Variants in EYS observed in about 807,000 individuals in gnomAD.
EYS encodes the protein EGF-like photoreceptor maintenance factor, also known as protein eyes shut homolog.
A neutral mutation model predicts 282.1 loss-of-function variants in EYS; 250 were observed. That is an observed-to-expected ratio of 0.89 (90% confidence interval 0.80 to 0.98). The LOEUF (loss-of-function observed/expected upper bound fraction) is 0.98, where lower values mean the gene tolerates loss of function less well. Ranked by LOEUF, EYS falls within the 50% of genes least tolerant of loss-of-function variation. The pLI is 0.00. For missense variants in EYS, 4,016 were observed against 3,709.0 expected, an observed-to-expected ratio of 1.08 and a Z score of -2.15; for synonymous variants, 1,355 against 1,282.9, an observed-to-expected ratio of 1.06 and a Z score of -1.20.
At chr6:64,983,589 A>T (rs952546355) in intron 14 of EYS, among the ~76,000 whole-genome samples, 15 of 151,436 alleles carry the variant, frequency 9.9e-5, no homozygotes, top group African/African-American at 2.7e-4. Context: ...AGATATTTGG[A>T]TACTATTATA....
At chr6:64,377,524 T>G (rs1421720046) in intron 29 of EYS, among the ~76,000 whole-genome samples, 3 of 152,126 alleles carry the variant, frequency 2.0e-5, no homozygotes, top group Non-Finnish European at 4.4e-5. Flanking sequence ...CTCAATTCCC[T>G]TATCTGTGAA....
At chr6:64,739,398 T>C (rs186255683) in intron 22 of EYS, among the ~76,000 whole-genome samples, 20 of 152,314 alleles carry the variant, frequency 1.3e-4, no homozygotes, top group Middle Eastern at 3.4e-3. Context: ...TAATTATTTT[T>C]ATGAGTTAAA....
intron 22 of EYS, among the ~76,000 whole-genome samples, chr6:64,717,963 G>A (rs142896707): frequency 1.6e-4 from 25 of 152,310 alleles, no homozygotes; most frequent in African/African-American, 6.0e-4. Context: ...AGAGAGGAAA[G>A]AGAGACAGAG....
intron 2 of EYS, among the ~76,000 whole-genome samples, chr6:65,509,238 G>T (rs1193157752): frequency 6.6e-6 from 1 of 152,176 alleles, no homozygotes; most frequent in Non-Finnish European, 1.5e-5. Context: ...TCTCCTTAGA[G>T]AATTTAAGAT....
chr6:63,746,520 C>G (rs1769213702), intron 41 of EYS, among the ~76,000 whole-genome samples: 2 of 152,110 alleles, frequency 1.3e-5, no homozygotes, highest in Non-Finnish European at 2.9e-5. Context: ...CTCTTTGTAC[C>G]TCTGGTAGAA....
chr6:63,815,222 C>T (rs980579528), intron 36 of EYS, among the ~76,000 whole-genome samples: 4 of 152,134 alleles, frequency 2.6e-5, no homozygotes, highest in Non-Finnish European at 5.9e-5. Context: ...ATCTAAATTA[C>T]TTTATTTCTC....
At position 65,409,908 on chromosome 6, in the gene EYS, CCATTGA is replaced by C. The variant is rs771191035; in HGVS notation, c.863-4547_863-4542del. ...CAGTATAAAATGTTCAGTGACCACACCATTGACATTATTATTTGAAAACAACTCAAC... is the reference window on the plus strand; with the variant it reads ...CAGTATAAAATGTTCAGTGACCACACCATTATTATTTGAAAACAACTCAAC... On this transcript the variant is annotated intron_variant, in intron 5 of 42. Transcript: ENST00000503581. 2.6e-5 allele frequency among the ~76,000 whole-genome samples: 4 copies of C among 151,922 alleles called. No homozygotes were observed. In the South Asian group the frequency reaches 6.2e-4, roughly 24 times the overall value.
rs1364489901 is a variant in EYS, at chr6:64,421,688, A to AT, written c.5927+14485dup. 5.3e-5 allele frequency among the ~76,000 whole-genome samples: 8 copies of AT among 152,328 alleles called. No individual in the cohort carries two copies. The East Asian group carries it at 1.2e-3, about 22-fold the overall frequency. ...TCTTCTAAAAAATCAAAATGCACAG[A>AT]TTAAGAGCTTGCTCTTTTTCTCTTT... On this transcript the variant is annotated intron_variant, in intron 28 of 42. Coordinates refer to ENST00000503581, the MANE Select transcript of EYS (RefSeq NM_001142800.2).
At chr6:64,420,160 C>A (rs527492385) in intron 28 of EYS, among the ~76,000 whole-genome samples, 2 of 152,290 alleles carry the variant, frequency 1.3e-5, no homozygotes, top group Admixed American at 6.5e-5. Flanking sequence ...AGGCTCAACA[C>A]CATGTGGAAA....
Position 65,188,764 on chromosome 6 carries a change from C to CAAAAAA in EYS, c.2023+107093_2023+107098dup, listed in dbSNP as rs777137794. Among the ~76,000 whole-genome samples the CAAAAAA allele has an allele frequency of 9.7e-4, 76 of 78,648 alleles. 1 individual carries two copies. The highest frequency in any genetic ancestry group is 2.3e-3 in the Admixed American group (16 of 6,854). The allele number at this position is 78,648 out of a possible 152,430, so 51.6% of individuals were successfully genotyped here. A position where few individuals can be genotyped will look rare whatever the true frequency, so the allele number is the denominator to read the frequency against. On this transcript the variant is annotated intron_variant, in intron 12 of 42. Transcript: ENST00000503581. The stretch of plus-strand genomic sequence containing the variant: ...TGAAAACTTGATCCTTTATTGCATG[C>CAAAAAA]AAAAAAAAAAAAAAAAAAAGATGAA...
At chr6:64,621,963 T>C (rs764980103) in intron 23 of EYS, among the ~76,000 whole-genome samples, 1 of 152,164 alleles carries the variant, frequency 6.6e-6, no homozygotes, top group Non-Finnish European at 1.5e-5. Flanking sequence ...CATGGTACTA[T>C]TTCGGCTAAA....
At position 65,233,507 on chromosome 6, in the gene EYS, A is replaced by G. The variant is rs368917134; in HGVS notation, c.2023+62356T>C. 5.1e-4 allele frequency among the ~76,000 whole-genome samples: 77 copies of G among 152,228 alleles called. No homozygotes were observed. The East Asian group carries it at 8.5e-3, about 17-fold the overall frequency. On this transcript the variant is annotated intron_variant, in intron 12 of 42. Coordinates refer to ENST00000503581, the MANE Select transcript of EYS (RefSeq NM_001142800.2). ...AAGAATATAGCTATTTATTGTTGAA[A>G]CATTTTGCATAAGCTCTCCTTAGCC...
At chr6:65,432,261 G>C (rs938014978) in intron 5 of EYS, among the ~76,000 whole-genome samples, 2 of 152,064 alleles carry the variant, frequency 1.3e-5, no homozygotes, top group Non-Finnish European at 2.9e-5. Flanking sequence ...TATTGTGTCA[G>C]ATGCTTTTCT....
At chr6:64,950,806 T>TAC (rs1769469139) in intron 14 of EYS, among the ~76,000 whole-genome samples, 1 of 91,034 alleles carries the variant, frequency 1.1e-5, no homozygotes, top group South Asian at 3.6e-4. Context: ...TACATATATA[T>TAC]ATATATATAT....
intron 28 of EYS, among the ~76,000 whole-genome samples, chr6:64,394,987 T>C (rs1300608853): frequency 6.6e-6 from 1 of 152,148 alleles, no homozygotes; most frequent in Non-Finnish European, 1.5e-5. Flanking sequence ...GAACAGACAC[T>C]TCTCGAAAGA....
chr6:64,178,266 A>T (rs1020410847), intron 31 of EYS, among the ~76,000 whole-genome samples: 1 of 152,082 alleles, frequency 6.6e-6, no homozygotes, highest in Non-Finnish European at 1.5e-5. Flanking sequence ...AAAATTAGGG[A>T]TCTTCAATAA....
At chr6:65,562,331 G>A (rs1769096209) in intron 2 of EYS, among the ~76,000 whole-genome samples, 1 of 151,962 alleles carries the variant, frequency 6.6e-6, no homozygotes, top group Admixed American at 6.6e-5. Flanking sequence ...CACCCATGGG[G>A]TCATAGCCAA....
intron 1 of EYS, among the ~76,000 whole-genome samples, chr6:65,651,037 G>T (rs1767632634): frequency 6.6e-6 from 1 of 151,988 alleles, no homozygotes; most frequent in Admixed American, 6.6e-5. Context: ...CAAGGTAGCA[G>T]TTTTCAACAA....
intron 26 of EYS, among the ~76,000 whole-genome samples, chr6:64,558,833 T>C (rs1279974717): frequency 6.6e-6 from 1 of 152,190 alleles, no homozygotes; most frequent in Non-Finnish European, 1.5e-5. Flanking sequence ...AGGTGTCACT[T>C]TTTCAAGGAC....
Sources: gnomAD v4.1 joint callset for allele counts (sites outside exome capture counted in the v4.1 genomes callset) on GRCh38, gnomAD v4.1.1 for gene constraint, MANE v1.5 for transcripts, NCBI Gene and HGNC (gene_info 2026-07-23, HGNC 2026-07-21) for gene names.